The following EPCAM variants were observed in gnomAD, a reference collection of about 807,000 sequenced individuals.
The protein encoded by EPCAM is epithelial cell adhesion molecule.
In EPCAM, 39 loss-of-function variants were observed where a neutral mutation model predicts 40.0. The observed-to-expected ratio is 0.98, with a 90% confidence interval of 0.76 to 1.27. The LOEUF (loss-of-function observed/expected upper bound fraction) is 1.27, where lower values mean the gene tolerates loss of function less well. Ranked by LOEUF, EPCAM falls within the 50% of genes most tolerant of loss-of-function variation. The probability of loss-of-function intolerance (pLI) is 0.00; values close to 1 mark genes in which losing one functional copy is unlikely to be tolerated. For synonymous variants in EPCAM, 168 were observed against 132.3 expected, an observed-to-expected ratio of 1.27 and a Z score of -1.85; for missense variants, 503 against 381.2, an observed-to-expected ratio of 1.32 and a Z score of -2.66.
chr2:47,381,790 A>G (rs993030577), intron 7 of EPCAM, among the ~76,000 whole-genome samples: 2 of 152,162 alleles, frequency 1.3e-5, no homozygotes, highest in Non-Finnish European at 2.9e-5. Flanking sequence ...ATTTTGAGAG[A>G]GGGTCTTGCT....
rs775866056 is a variant in EPCAM, at chr2:47,379,977, C to T, written c.858+8C>T. 2 of 1,606,080 alleles carry T rather than the reference C, an allele frequency of 1.2e-6. No homozygotes were observed. Among genetic ancestry groups the T allele is most frequent in the Non-Finnish European group, 1.7e-6 (2 of 1,175,594 alleles). Reference sequence around the variant, plus strand: ...GCTGGAATTGTTGTGCTGGTGAGTACAGAACAAGTAAAATTTCATTTAAGG... The same window carrying T: ...GCTGGAATTGTTGTGCTGGTGAGTATAGAACAAGTAAAATTTCATTTAAGG... On this transcript the variant is annotated splice_region_variant and intron_variant, in intron 7 of 8. Transcript: ENST00000263735.
chr2:47,375,729 G>A (rs964764029), intron 4 of EPCAM, among the ~76,000 whole-genome samples: 15 of 144,512 alleles, frequency 1.0e-4, no homozygotes, highest in African/African-American at 3.6e-4. Flanking sequence ...TTTTTTAGAC[G>A]GAGTCTCGCT....
rs75549138 is a variant in EPCAM at position 47,372,120 on chromosome 2, T to C, written c.77-1343T>C. ...GGGCTGCTTAGTATCACTTTCCTTATCAGGTACTAGGATTTAATTTAGTTA... is the reference window on the plus strand; with the variant it reads ...GGGCTGCTTAGTATCACTTTCCTTACCAGGTACTAGGATTTAATTTAGTTA... On this transcript the variant is annotated intron_variant, in intron 1 of 8. Transcript: ENST00000263735. 9.3e-3 allele frequency among the ~76,000 whole-genome samples: 1,410 copies of C among 152,258 alleles called. 25 individuals carry two copies. The highest frequency in any genetic ancestry group is 0.03 in the African/African-American group (1,263 of 41,558).
intron 3 of EPCAM, among the ~76,000 whole-genome samples, 158 bp downstream of exon 3, chr2:47,374,206 A>G (rs1671362685): frequency 6.6e-6 from 1 of 152,124 alleles, no homozygotes; most frequent in African/African-American, 2.4e-5. Flanking sequence ...CTCGCTACCC[A>G]TTGGACCTCC....
chr2:47,381,509 GA>G (rs1249156817), intron 7 of EPCAM, among the ~76,000 whole-genome samples: 1 of 152,024 alleles, frequency 6.6e-6, no homozygotes, highest in Non-Finnish European at 1.5e-5. Context: ...TATCCATCTG[GA>G]ACAAAATGAA....
chr2:47,374,181 C>G (rs1389019452), intron 3 of EPCAM, 133 bp downstream of exon 3: 1 of 1,060,514 alleles, frequency 9.4e-7, no homozygotes, highest in Non-Finnish European at 1.4e-6. Flanking sequence ...AAGCTTCCTT[C>G]TCATTCCAGT....
chr2:47,373,106 G>A (rs1397478868), intron 1 of EPCAM, among the ~76,000 whole-genome samples: 1 of 149,382 alleles, frequency 6.7e-6, no homozygotes, highest in Non-Finnish European at 1.5e-5. Flanking sequence ...TTGGGAGGCT[G>A]AGACAGGAGG....
In EPCAM at chr2:47,386,556, C is replaced by T. The variant is rs756223075; in HGVS notation, c.904-16C>T. Reference sequence around the variant, plus strand: ...AAATTATTTAGAATTTTTTTCTGTGCTTTTTCCTGTTTCAGATAAAGGAGA... The same window carrying T: ...AAATTATTTAGAATTTTTTTCTGTGTTTTTTCCTGTTTCAGATAAAGGAGA... On this transcript the variant is annotated splice_polypyrimidine_tract_variant and intron_variant, in intron 8 of 8. Coordinates refer to ENST00000263735, the MANE Select transcript of EPCAM (RefSeq NM_002354.3). 8 of 1,587,664 alleles carry T rather than the reference C, an allele frequency of 5.0e-6. No homozygotes were observed. Among genetic ancestry groups the T allele is most frequent in the Non-Finnish European group, 6.9e-6 (8 of 1,161,856 alleles).
intron 5 of EPCAM, among the ~76,000 whole-genome samples, 170 bp downstream of exon 5, chr2:47,377,247 G>C (rs1380134243): frequency 1.3e-5 from 2 of 151,620 alleles, no homozygotes; most frequent in Admixed American, 6.6e-5. Flanking sequence ...TTGTTTGTTT[G>C]TTTCTTTAAG....
chr2:47,383,915 G>A (rs1046345292), intron 7 of EPCAM, among the ~76,000 whole-genome samples: 3 of 151,762 alleles, frequency 2.0e-5, no homozygotes, highest in African/African-American at 7.3e-5. Flanking sequence ...GTGATTATAG[G>A]CGTGAACCAC....
intron 3 of EPCAM, 68 bp from the exon 4 acceptor site, chr2:47,375,166 T>G: frequency 8.5e-7 from 1 of 1,179,772 alleles, no homozygotes; most frequent in Non-Finnish European, 1.3e-6. Context: ...ATTTTAGGAT[T>G]AGCTTATTAG....
At chr2:47,374,898 A>G (rs1167072152) in intron 3 of EPCAM, among the ~76,000 whole-genome samples, 2 of 152,178 alleles carry the variant, frequency 1.3e-5, no homozygotes, top group East Asian at 1.9e-4. Flanking sequence ...TCCACCTCCC[A>G]AAGTGTTGGA....
intron 1 of EPCAM, among the ~76,000 whole-genome samples, chr2:47,371,147 A>C (rs1217578054): frequency 2.0e-5 from 3 of 150,858 alleles, no homozygotes; most frequent in Non-Finnish European, 1.5e-5. Context: ...ACCCGGCCTT[A>C]AAAACAAGAT....
At chr2:47,385,291 C>T (rs2103768879) in intron 8 of EPCAM, 81 bp downstream of exon 8, 1 of 1,135,266 alleles carries the variant, frequency 8.8e-7, no homozygotes, top group Non-Finnish European at 1.3e-6. Context: ...CACACTGATG[C>T]ATTTCAGTTA....
rs117442476 is a variant in EPCAM, at chr2:47,372,864, A to G, written c.77-599A>G. Among the ~76,000 whole-genome samples, 25 of 152,194 alleles carry G rather than the reference A, an allele frequency of 1.6e-4. 1 individual carries two copies. The East Asian group carries it at 4.8e-3, about 29-fold the overall frequency. On this transcript the variant is annotated intron_variant, in intron 1 of 8. Coordinates refer to ENST00000263735, the MANE Select transcript of EPCAM (RefSeq NM_002354.3). Reference sequence around the variant, plus strand: ...AGCTAAGACTGGGAGTTTCACAAAGACAAAGCTAGAAATGATACTTGGAGA... The same window carrying G: ...AGCTAAGACTGGGAGTTTCACAAAGGCAAAGCTAGAAATGATACTTGGAGA...
chr2:47,369,482 C>A lies in EPCAM; in HGVS notation c.-24C>A. 1 of 1,515,902 alleles carries A rather than the reference C, an allele frequency of 6.6e-7. No homozygotes were observed. The highest frequency in any genetic ancestry group is 8.8e-7 in the Non-Finnish European group (1 of 1,136,156). The allele number at this position is 1,515,902 out of a possible 1,614,324, so 93.9% of individuals were successfully genotyped here. A position where few individuals can be genotyped will look rare whatever the true frequency, so the allele number is the denominator to read the frequency against. ...CGCGAGTCCCGGGCCCCTCCCGCGC[C>A]CCTCTTCTCGGCGCGCGCGCAGCAT... On this transcript the variant is annotated 5_prime_UTR_variant, in exon 1 of 9. Transcript: ENST00000263735.
chr2:47,379,191 C>T, intron 6 of EPCAM, 137 bp downstream of exon 6: 2 of 667,456 alleles, frequency 3.0e-6, no homozygotes, highest in Non-Finnish European at 5.5e-6. Flanking sequence ...TTTGTCCTCC[C>T]TGTCACTCAC....
chr2:47,372,467 G>T (rs529467381), intron 1 of EPCAM, among the ~76,000 whole-genome samples: 1 of 151,552 alleles, frequency 6.6e-6, no homozygotes, highest in African/African-American at 2.4e-5. Flanking sequence ...GTGAAAACCC[G>T]TCTCTACTAA....
chr2:47,378,518 T>C (rs919408976), intron 5 of EPCAM, among the ~76,000 whole-genome samples: 13 of 152,000 alleles, frequency 8.6e-5, no homozygotes, highest in African/African-American at 3.1e-4. Context: ...GTCAGGCTGG[T>C]CTTGAACTCC....
Sources: gnomAD v4.1 joint callset for allele counts (sites outside exome capture counted in the v4.1 genomes callset) on GRCh38, gnomAD v4.1.1 for gene constraint, MANE v1.5 for transcripts, NCBI Gene and HGNC (gene_info 2026-07-23, HGNC 2026-07-21) for gene names.